FBXO27: variants seen among roughly 807,000 people sequenced by gnomAD.
FBXO27 encodes F-box protein 27, also known as F-box only protein 27.
In FBXO27, 28 loss-of-function variants were observed where a neutral mutation model predicts 28.3. The ratio of observed to expected loss-of-function variants is 0.99; its 90% CI spans 0.73 to 1.36. FBXO27 has a LOEUF of 1.36. FBXO27 is among the 40% of genes most tolerant of loss of function. The pLI, the probability that FBXO27 is intolerant of heterozygous loss-of-function variation, is 0.00. For synonymous variants in FBXO27, 175 were observed against 167.3 expected, an observed-to-expected ratio of 1.05 and a Z score of -0.36; for missense variants, 388 against 394.1, an observed-to-expected ratio of 0.98 and a Z score of 0.13.
At chr19:39,029,159 C>G (rs1258726469) in intron 4 of FBXO27, among the ~76,000 whole-genome samples, 1 of 151,420 alleles carries the variant, frequency 6.6e-6, no homozygotes, top group East Asian at 1.9e-4. Flanking sequence ...GGCACAGTGG[C>G]TTATGCCTGT....
At chr19:39,022,964 ATTTTTTT>A (rs998919143), downstream of FBXO27, among the ~76,000 whole-genome samples, 1 of 145,440 alleles carries the variant, frequency 6.9e-6, no homozygotes. Flanking sequence ...TGCCTGGCTA[ATTTTTTT>A]TTTTTGTATT....
intron 2 of FBXO27, among the ~76,000 whole-genome samples, chr19:39,011,708 C>T (rs1423352392): frequency 6.9e-6 from 1 of 145,328 alleles, no homozygotes; most frequent in Non-Finnish European, 1.5e-5. Flanking sequence ...GAGGGGGGGT[C>T]TCCCTTTGTT....
At chr19:39,029,537 T>C (rs1276201604) in intron 4 of FBXO27, among the ~76,000 whole-genome samples, 1 of 151,696 alleles carries the variant, frequency 6.6e-6, no homozygotes, top group Non-Finnish European at 1.5e-5. Context: ...AGTGAGGGGC[T>C]TTTTTCCTAT....
rs1271015980 is a variant in FBXO27 at position 39,026,868 on chromosome 19, A to ACTT, written c.708+1_708+2insAAG. On this transcript the variant is annotated splice_donor_variant, in intron 5 of 5. Coordinates refer to ENST00000292853, the MANE Select transcript of FBXO27 (RefSeq NM_178820.5). LOFTEE classifies it high-confidence loss of function. ...TTCCCCAAACCCCCATAGGAGACTC[A>ACTT]CGTGAAGGCAGGCATTGTTGTTCCA... 6.2e-7 allele frequency: 1 copy of ACTT among 1,614,146 alleles called. No homozygotes were observed. Among genetic ancestry groups the ACTT allele is most frequent in the South Asian group, 1.1e-5 (1 of 91,082 alleles).
At chr19:39,013,507 G>A (rs183887978) in intron 2 of FBXO27, among the ~76,000 whole-genome samples, 10 of 151,968 alleles carry the variant, frequency 6.6e-5, no homozygotes, top group African/African-American at 2.4e-4. Context: ...GCGTATGCCT[G>A]TAATCCCAGC....
Position 39,012,918 on chromosome 19 carries a change from C to A in FBXO27, c.252+1469G>T, listed in dbSNP as rs138915913. On this transcript the variant is annotated intron_variant, in intron 2 of 2. Transcript: ENST00000598394. ...GAGGTTGCAGTGAGTCAAGATGGCGCTACTGCACTCCAGCCTGGGCAACAG... is the reference window on the plus strand; with the variant it reads ...GAGGTTGCAGTGAGTCAAGATGGCGATACTGCACTCCAGCCTGGGCAACAG... Among the ~76,000 whole-genome samples, 136 of 152,174 alleles carry A rather than the reference C, an allele frequency of 8.9e-4. 6 individuals are homozygous for A. The East Asian group carries it at 0.015, about 17-fold the overall frequency.
rs111510850 is a variant in FBXO27, at chr19:39,025,780, C to T, written c.709-226G>A. On this transcript the variant is annotated intron_variant, in intron 5 of 5. Coordinates refer to ENST00000292853, the MANE Select transcript of FBXO27 (RefSeq NM_178820.5). Reference sequence around the variant, plus strand: ...CTGTAATCCCAGCACTTTGGGAGGCCGAGGCAGGTGGATTGCTTGAGGCCA... The same window carrying T: ...CTGTAATCCCAGCACTTTGGGAGGCTGAGGCAGGTGGATTGCTTGAGGCCA... 6.8e-4 allele frequency among the ~76,000 whole-genome samples: 103 copies of T among 152,124 alleles called. 1 individual carries two copies. Among genetic ancestry groups the T allele is most frequent in the African/African-American group, 2.2e-3 (91 of 41,504 alleles).
At chr19:39,017,040 G>A (rs776584631) in intron 1 of FBXO27, among the ~76,000 whole-genome samples, 9 of 152,034 alleles carry the variant, frequency 5.9e-5, no homozygotes, top group Non-Finnish European at 1.0e-4. Context: ...AGCCATGATC[G>A]CGCCACTGCA....
intron 2 of FBXO27, 69 bp downstream of exon 2, chr19:39,031,795 C>T (rs1317908605): frequency 3.6e-6 from 5 of 1,404,240 alleles, no homozygotes; most frequent in East Asian, 2.8e-5. Context: ...AGTGCGGCCC[C>T]GCCCCTCCGG....
At chr19:39,014,105 G>A (rs2072808601) in intron 2 of FBXO27, among the ~76,000 whole-genome samples, 1 of 152,228 alleles carries the variant, frequency 6.6e-6, no homozygotes, top group Non-Finnish European at 1.5e-5. Context: ...AGGTCCCACG[G>A]AGGGTGCCCT....
chr19:39,025,708 T>G (rs887661602), intron 5 of FBXO27, among the ~76,000 whole-genome samples, 154 bp from the exon 6 acceptor site: 2 of 152,078 alleles, frequency 1.3e-5, no homozygotes, highest in Non-Finnish European at 2.9e-5. Context: ...AATCTTCCAC[T>G]CCCTCATTAA....
rs150246968 is a variant in FBXO27 at position 39,012,917 on chromosome 19, G to A, written c.252+1470C>T. Among the ~76,000 whole-genome samples the A allele has an allele frequency of 4.1e-3, 623 of 152,096 alleles. 5 individuals are homozygous for A. Among genetic ancestry groups the A allele is most frequent in the African/African-American group, 0.014 (601 of 41,500 alleles). On this transcript the variant is annotated intron_variant, in intron 2 of 2. Coordinates refer to the FBXO27 transcript ENST00000598394. The stretch of plus-strand genomic sequence containing the variant: ...AGAGGTTGCAGTGAGTCAAGATGGC[G>A]CTACTGCACTCCAGCCTGGGCAACA...
chr19:39,014,525 G>A (rs2072810582), exon 2 of FBXO27: 1 of 151,942 alleles, frequency 6.6e-6, no homozygotes, highest in African/African-American at 2.4e-5. Flanking sequence ...GACCAGCCCA[G>A]GCAACATAGT....
chr19:39,020,055 A>T (rs1205382847), downstream of FBXO27, among the ~76,000 whole-genome samples: 1 of 152,064 alleles, frequency 6.6e-6, no homozygotes, highest in Non-Finnish European at 1.5e-5. Context: ...TCGCCTGGTC[A>T]TGAAGAGGTT....
At chr19:39,013,740 G>A (rs747180665) in intron 2 of FBXO27, among the ~76,000 whole-genome samples, 6 of 151,784 alleles carry the variant, frequency 4.0e-5, no homozygotes, top group South Asian at 2.1e-4. Context: ...TTGGCCTGGC[G>A]TGGTGGCTCA....
At chr19:39,012,131 C>T (rs1273689158) in intron 2 of FBXO27, among the ~76,000 whole-genome samples, 2 of 151,502 alleles carry the variant, frequency 1.3e-5, no homozygotes, top group Admixed American at 1.3e-4. Flanking sequence ...CCACGCCCGG[C>T]CGAGCCCTGA....
At chr19:39,011,326 G>T (rs188278864) in intron 2 of FBXO27, among the ~76,000 whole-genome samples, 1 of 152,146 alleles carries the variant, frequency 6.6e-6, no homozygotes, top group African/African-American at 2.4e-5. Flanking sequence ...CAGCTACCTG[G>T]AAGGTGGAGG....
At chr19:39,021,437 G>T (rs1275955295), downstream of FBXO27, among the ~76,000 whole-genome samples, 1 of 152,104 alleles carries the variant, frequency 6.6e-6, no homozygotes, top group African/African-American at 2.4e-5. Flanking sequence ...CGAGGATGAA[G>T]ACTTTTATGA....
rs2072875040 is a variant in FBXO27 at position 39,026,825 on chromosome 19, A to G, written c.708+45T>C. 5.6e-6 allele frequency: 9 copies of G among 1,611,430 alleles called. No homozygotes were observed. The East Asian group carries it at 2.0e-4, about 36-fold the overall frequency. On this transcript the variant is annotated intron_variant, in intron 5 of 5. Coordinates refer to ENST00000292853, the MANE Select transcript of FBXO27 (RefSeq NM_178820.5). ...TTTTGGGGTGATTTATTTTGCAGCA[A>G]TAGGCCCCCAGCATCCTTTCCCCAA...
Sources: allele counts gnomAD v4.1 joint callset (sites outside exome capture counted in the v4.1 genomes callset), GRCh38; gene constraint gnomAD v4.1.1; transcripts MANE v1.5; gene names NCBI Gene and HGNC (gene_info 2026-07-23, HGNC 2026-07-21).